CCNB3: variants seen among roughly 807,000 people sequenced by gnomAD.
CCNB3 encodes the protein G2/mitotic-specific cyclin-B3.
In CCNB3, 12 loss-of-function variants were observed where a neutral mutation model predicts 68.0. That is an observed-to-expected ratio of 0.18 (90% confidence interval 0.11 to 0.29). The LOEUF (loss-of-function observed/expected upper bound fraction) is 0.29. CCNB3 is among the 10% of genes least tolerant of loss of function. The pLI, the probability that CCNB3 is intolerant of heterozygous loss-of-function variation, is 1.00. For synonymous variants in CCNB3, 354 were observed against 388.9 expected, an observed-to-expected ratio of 0.91 and a Z score of 1.06; for missense variants, 904 against 993.1, an observed-to-expected ratio of 0.91 and a Z score of 1.21.
At chrX:50,228,394 A>C (rs1218260064) in intron 1 of CCNB3, among the ~76,000 whole-genome samples, 1 of 87,876 alleles carries the variant, frequency 1.1e-5, no homozygotes, top group Non-Finnish European at 2.2e-5. Context: ...ATATCTACAT[A>C]AATATATATA....
chrX:50,315,464 G>A (rs1349523191), intron 8 of CCNB3, among the ~76,000 whole-genome samples: 1 of 110,826 alleles, frequency 9.0e-6, no homozygotes, highest in Admixed American at 9.7e-5. Flanking sequence ...TTGAAAAAAA[G>A]GACAAAGAGA....
intron 8 of CCNB3, among the ~76,000 whole-genome samples, chrX:50,326,651 T>C (rs1446956396): frequency 9.0e-6 from 1 of 111,500 alleles, no homozygotes; most frequent in Non-Finnish European, 1.9e-5. Context: ...GTTCTTTTTT[T>C]CATCAGAAAT....
At chrX:50,280,570 C>A (rs951057095) in intron 1 of CCNB3, among the ~76,000 whole-genome samples, 1 of 109,098 alleles carries the variant, frequency 9.2e-6, no homozygotes, top group Non-Finnish European at 1.9e-5. Context: ...ACTTTGGGTC[C>A]TCATTCACAA....
rs1186032317 is a variant in CCNB3, at chrX:50,314,706, C to T, written c.3516+758C>T. ...GAGCATCAGCAAAACATGAAAATGT[C>T]TCTCATCTTATGAAAATGGTAGAGA... is the stretch of plus-strand genomic sequence containing the variant. On this transcript the variant is annotated intron_variant, in intron 8 of 12. Coordinates refer to ENST00000376042, the MANE Select transcript of CCNB3 (RefSeq NM_033031.3). Among the ~76,000 whole-genome samples, 6 of 111,702 alleles carry T rather than the reference C, an allele frequency of 5.4e-5. No homozygotes were observed. In the Admixed American group the frequency reaches 5.7e-4, roughly 11 times the overall value.
At chrX:50,202,945 A>T (rs1935289187), upstream of CCNB3, 1 of 111,946 alleles carries the variant, frequency 8.9e-6, no homozygotes. Flanking sequence ...ATTGGTCTGT[A>T]CTGAGTAGAG....
rs1293274387 is a variant in CCNB3 at position 50,310,692 on chromosome X, G to A, written c.2523G>A (p.Lys841=). The A allele has an allele frequency of 8.3e-7, 1 of 1,209,193 alleles. No homozygotes were observed. Among genetic ancestry groups the A allele is most frequent in the African/African-American group, 1.7e-5 (1 of 57,144 alleles). Residue 841 remains lysine, a synonymous_variant, in exon 6 of 13, where the codon AAG becomes AAA. Transcript: ENST00000376042. ...LALQEEPSTE[K]EAVLKEPSVD... ...TGCAGGAGGAGCCCAGCACTGAGAA[G>A]GAGGCTGTCCTCAAGGAGCCCAGTG...
At chrX:50,206,825 G>A (rs1224489268) in intron 1 of CCNB3, among the ~76,000 whole-genome samples, 1 of 111,000 alleles carries the variant, frequency 9.0e-6, no homozygotes, top group Non-Finnish European at 1.9e-5. Flanking sequence ...GGCTGAGGTG[G>A]GAGGATCGCT....
In CCNB3 at chrX:50,347,788, G is replaced by A. The variant is rs781840423; in HGVS notation, c.3960+13G>A. 9.2e-6 allele frequency: 11 copies of A among 1,202,145 alleles called. No homozygotes were observed. The highest frequency in any genetic ancestry group is 1.8e-5 in the South Asian group (1 of 55,734). On this transcript the variant is annotated intron_variant, in intron 11 of 12. Transcript: ENST00000376042. ...GCTCGGATACTGGGTAAACACTTGCGAGATAGGGGTATAGGGGTAGAGATT... is the reference window on the plus strand; with the variant it reads ...GCTCGGATACTGGGTAAACACTTGCAAGATAGGGGTATAGGGGTAGAGATT...
chrX:50,349,736 G>A (rs1387487406), intron 11 of CCNB3, among the ~76,000 whole-genome samples: 3 of 111,998 alleles, frequency 2.7e-5, no homozygotes, highest in East Asian at 5.6e-4. Context: ...GTTTCCTGCA[G>A]AATTCTCTCA....
intron 1 of CCNB3, among the ~76,000 whole-genome samples, chrX:50,225,934 T>C (rs1411485171): frequency 1.0e-5 from 1 of 97,799 alleles, no homozygotes; most frequent in Non-Finnish European, 2.0e-5. Flanking sequence ...TATATCTGGA[T>C]GAGATAACCT....
intron 5 of CCNB3, among the ~76,000 whole-genome samples, chrX:50,299,927 T>A (rs1340569970): frequency 9.0e-6 from 1 of 111,527 alleles, no homozygotes; most frequent in African/African-American, 3.3e-5. Context: ...TGGTTTAAAG[T>A]CTGTTTTATG....
chrX:50,208,240 C>T (rs1294492300), intron 1 of CCNB3, among the ~76,000 whole-genome samples: 1 of 111,889 alleles, frequency 8.9e-6, no homozygotes, highest in East Asian at 2.8e-4. Context: ...AAAGTGAGCT[C>T]ATATTATCAA....
chrX:50,300,721 C>T (rs370962288), intron 5 of CCNB3, among the ~76,000 whole-genome samples: 3 of 111,936 alleles, frequency 2.7e-5, no homozygotes, highest in African/African-American at 9.7e-5. Context: ...TAATATCCTG[C>T]AGAGTGTTTT....
rs1427370864 is a variant in CCNB3, at chrX:50,226,934, G to T, written c.-113+21984G>T. On this transcript the variant is annotated intron_variant, in intron 1 of 12. Coordinates refer to ENST00000376042, the MANE Select transcript of CCNB3 (RefSeq NM_033031.3). ...ATAGTATATATATAGAATATATATA[G>T]TATATATATAGAATATATATAGTAT... Among the ~76,000 whole-genome samples, 245 of 47,333 alleles carry T rather than the reference G, an allele frequency of 5.2e-3. 5 individuals are homozygous for T. Among genetic ancestry groups the T allele is most frequent in the African/African-American group, 0.021 (228 of 10,688 alleles). The allele number at this position is 47,333 out of a possible 115,157, so 41.1% of individuals were successfully genotyped here.
chrX:50,332,044 A>G (rs1171599772), intron 8 of CCNB3, among the ~76,000 whole-genome samples: 1 of 111,647 alleles, frequency 9.0e-6, no homozygotes. Flanking sequence ...TTCATGACAA[A>G]TGTACTTATT....
intron 8 of CCNB3, among the ~76,000 whole-genome samples, chrX:50,329,999 A>G (rs1351097009): frequency 1.8e-5 from 2 of 111,737 alleles, no homozygotes; most frequent in Non-Finnish European, 3.8e-5. Flanking sequence ...CATGGACACA[A>G]TGTAGCAGGA....
At position 50,310,874 on chromosome X, in the gene CCNB3, C is replaced by T. The variant is rs200877259; in HGVS notation, c.2705C>T (p.Pro902Leu). 8.3e-7 allele frequency: 1 copy of T among 1,210,177 alleles called. No individual in the cohort carries two copies. The highest frequency in any genetic ancestry group is 2.2e-5 in the Admixed American group (1 of 45,761). The stretch of plus-strand genomic sequence containing the variant: ...GAGTCTTTGGACTTGCAAGAGAAGC[C>T]CAGCATTAAGAAAGAGACCCTCCTC... The part of the protein sequence containing the change: ...FKESLDLQEK[P>L]SIKKETLLKK... The change falls in exon 6 of 13, where the codon CCC becomes CTC. Residue 902 changes from proline to leucine, a missense_variant. By Grantham distance (98) the Pro-to-Leu change is moderately conservative. Coordinates refer to ENST00000376042, the MANE Select transcript of CCNB3 (RefSeq NM_033031.3).
intron 9 of CCNB3, among the ~76,000 whole-genome samples, chrX:50,343,114 T>A (rs1293031254): frequency 8.9e-6 from 1 of 111,996 alleles, no homozygotes; most frequent in Non-Finnish European, 1.9e-5. Context: ...TTGTAGGAGA[T>A]GACAGCTCCA....
intron 8 of CCNB3, among the ~76,000 whole-genome samples, chrX:50,332,011 C>CAA (rs2147088636): frequency 9.0e-6 from 1 of 111,621 alleles, no homozygotes; most frequent in East Asian, 2.8e-4. Context: ...CCAGTATCCA[C>CAA]ATTCATTTAC....
Sources: allele counts gnomAD v4.1 joint callset (sites outside exome capture counted in the v4.1 genomes callset), GRCh38; gene constraint gnomAD v4.1.1; transcripts MANE v1.5; gene names NCBI Gene and HGNC (gene_info 2026-07-23, HGNC 2026-07-21).